GARIN2: variants seen among roughly 807,000 people sequenced by gnomAD.
The protein encoded by GARIN2 is golgi associated RAB2 interactor family member 2.
the GARIN2 span, chr14:67,225,176 T>C: frequency 6.3e-7 from 1 of 1,578,410 alleles, no homozygotes; most frequent in South Asian, 1.2e-5. Flanking sequence ...CTCATCTGTC[T>C]GCCCCTTTCT....
At chr14:67,218,647 G>A in the GARIN2 span, among the ~76,000 whole-genome samples, 2 of 152,132 alleles carry the variant, frequency 1.3e-5, no homozygotes, top group African/African-American at 4.8e-5. Context: ...TTGGGTGCAG[G>A]GTCATTGGGC....
the GARIN2 span, chr14:67,205,035 A>AGTC: frequency 6.4e-7 from 1 of 1,552,478 alleles, no homozygotes. Flanking sequence ...ACTGCTCGGG[A>AGTC]GTCACAGTGG....
At chr14:67,197,308 A>G in the GARIN2 span, 1 of 152,316 alleles carries the variant, frequency 6.6e-6, no homozygotes, top group South Asian at 2.1e-4. Flanking sequence ...AACTGAAGTG[A>G]GTTAAAAACT....
At chr14:67,225,933 GTGTGT>G in the GARIN2 span, among the ~76,000 whole-genome samples, 1 of 124,206 alleles carries the variant, frequency 8.1e-6, no homozygotes, top group African/African-American at 3.9e-5. Flanking sequence ...GTGAGTGTGT[GTGTGT>G]GTGTGTGTGT....
At chr14:67,212,445 G>A in the GARIN2 span, among the ~76,000 whole-genome samples, 1 of 151,386 alleles carries the variant, frequency 6.6e-6, no homozygotes, top group African/African-American at 2.4e-5. Flanking sequence ...CAAAAATTTT[G>A]CAGAGCATGG....
At chr14:67,209,124 C>T in the GARIN2 span, among the ~76,000 whole-genome samples, 1 of 152,102 alleles carries the variant, frequency 6.6e-6, no homozygotes. Flanking sequence ...TTTTCAATGG[C>T]AGAGTTTACG....
chr14:67,205,063 T>C, the GARIN2 span: 2 of 1,551,178 alleles, frequency 1.3e-6, no homozygotes, highest in Non-Finnish European at 1.7e-6. Context: ...AAACAATGAC[T>C]TAATCAGGGC....
At chr14:67,226,385 G>A in the GARIN2 span, among the ~76,000 whole-genome samples, 6 of 149,326 alleles carry the variant, frequency 4.0e-5, no homozygotes, top group East Asian at 5.9e-4. Context: ...TTTTTGAGAC[G>A]GAGTCTCGCT....
chr14:67,201,660 A>C, the GARIN2 span: 7 of 394,688 alleles, frequency 1.8e-5, no homozygotes, highest in African/African-American at 1.0e-4. Context: ...ATCAGGATTT[A>C]ATCCCTGAGC....
chr14:67,209,202 G>T, the GARIN2 span, among the ~76,000 whole-genome samples: 1 of 152,164 alleles, frequency 6.6e-6, no homozygotes, highest in Non-Finnish European at 1.5e-5. Context: ...CAGCAAAAAT[G>T]ATCAAGTCCA....
At chr14:67,215,741 G>C in the GARIN2 span, among the ~76,000 whole-genome samples, 1 of 152,104 alleles carries the variant, frequency 6.6e-6, no homozygotes, top group African/African-American at 2.4e-5. Flanking sequence ...ATCCAACTTA[G>C]CAATTTGTCC....
the GARIN2 span, chr14:67,228,479 C>T: frequency 7.2e-5 from 13 of 181,160 alleles, no homozygotes; most frequent in South Asian, 2.4e-3. Flanking sequence ...CAGGGAAAGA[C>T]AATCAGTGCA....
At chr14:67,213,154 G>GTATTT in the GARIN2 span, among the ~76,000 whole-genome samples, 40 of 145,248 alleles carry the variant, frequency 2.8e-4, no homozygotes, top group Middle Eastern at 6.9e-3. Flanking sequence ...TTTTTTAAAT[G>GTATTT]TATTTTATTT....
At chr14:67,208,952 G>A in the GARIN2 span, among the ~76,000 whole-genome samples, 2 of 150,986 alleles carry the variant, frequency 1.3e-5, no homozygotes, top group African/African-American at 4.9e-5. Flanking sequence ...AAAATTCTAG[G>A]AAAATGTTGG....
chr14:67,189,496 C>T, the GARIN2 span: 2 of 152,112 alleles, frequency 1.3e-5, no homozygotes. Flanking sequence ...AGAGTGGAAA[C>T]GTGCTATTTG....
At chr14:67,204,520 CGTGTGCTT>C in the GARIN2 span, 14 of 1,606,796 alleles carry the variant, frequency 8.7e-6, no homozygotes, top group African/African-American at 1.3e-5. Context: ...ATGATGTTAC[CGTGTGCTT>C]GTTTGCAGGT....
At chr14:67,208,527 ACT>A in the GARIN2 span, 1 of 1,436,312 alleles carries the variant, frequency 7.0e-7, no homozygotes, top group African/African-American at 1.4e-5. Flanking sequence ...TAGTCTCTTA[ACT>A]CAGGCATCTG....
the GARIN2 span, chr14:67,198,131 C>A: frequency 6.3e-7 from 1 of 1,591,328 alleles, no homozygotes; most frequent in Non-Finnish European, 8.6e-7. Flanking sequence ...TTTCCATTCC[C>A]TCAGTTTTTT....
chr14:67,206,614 A>G, the GARIN2 span, among the ~76,000 whole-genome samples: 3 of 152,240 alleles, frequency 2.0e-5, no homozygotes, highest in Admixed American at 6.5e-5. Context: ...TGAAAAAGGT[A>G]GGAGACAGAA....
Sources: allele counts gnomAD v4.1 joint callset (sites outside exome capture counted in the v4.1 genomes callset), GRCh38; gene constraint gnomAD v4.1.1; transcripts MANE v1.5; gene names NCBI Gene and HGNC (gene_info 2026-07-23, HGNC 2026-07-21).